SLIT2: variants seen among roughly 807,000 people sequenced by gnomAD.
SLIT2 encodes slit guidance ligand 2.
Under a neutral mutation model 185.7 loss-of-function variants are expected in SLIT2, and 41 were observed. The observed-to-expected ratio is 0.22, with a 90% CI of 0.17 to 0.29. SLIT2 has a LOEUF of 0.29. Ranked by LOEUF, SLIT2 falls within the 10% of genes least tolerant of loss-of-function variation. The probability of loss-of-function intolerance (pLI) is 1.00; values close to 1 mark genes in which losing one functional copy is unlikely to be tolerated. For missense variants in SLIT2, 1,571 were observed against 1,909.0 expected (o/e 0.82, Z 3.30); for synonymous variants, 693 against 680.2 (o/e 1.02, Z -0.29).
chr4:20,256,784 T>C, intron 2 of SLIT2, 41 bp downstream of exon 2: 1 of 1,025,760 alleles, frequency 9.7e-7, no homozygotes, highest in South Asian at 1.5e-5. Flanking sequence ...TTTTTAAGGT[T>C]GCATATTTTG....
intron 4 of SLIT2, among the ~76,000 whole-genome samples, chr4:20,319,810 AC>A (rs35834899): frequency 0.4 from 43,175 of 108,668 alleles, 6,414 homozygotes; most frequent in Non-Finnish European, 0.46. Flanking sequence ...AAAAAACAAA[AC>A]AAAAAAAAAA....
chr4:20,280,715 G>T lies in SLIT2; in HGVS notation c.395+11834G>T, dbSNP rs1481444179. ...GGAGTTATTCATGGTAATAAATCAG[G>T]AATTAGATAATTAGGTTGTGGATAA... On this transcript the variant is annotated intron_variant, in intron 4 of 36. Transcript: ENST00000504154. 2.6e-5 allele frequency among the ~76,000 whole-genome samples: 4 copies of T among 151,990 alleles called. No individual in the cohort carries two copies. In the East Asian group the frequency reaches 7.7e-4, roughly 29 times the overall value.
chr4:20,260,146 C>T (rs992041478), intron 3 of SLIT2, among the ~76,000 whole-genome samples: 1 of 151,714 alleles, frequency 6.6e-6, no homozygotes, highest in Non-Finnish European at 1.5e-5. Context: ...TACAAAAACC[C>T]CAAAACTACC....
intron 4 of SLIT2, among the ~76,000 whole-genome samples, chr4:20,271,380 A>G (rs921299418): frequency 2.0e-5 from 3 of 147,132 alleles, no homozygotes; most frequent in Admixed American, 6.9e-5. Flanking sequence ...TATAGAATAT[A>G]TGTTTTGACA....
chr4:20,596,719 T>G, intron 32 of SLIT2, 64 bp downstream of exon 32: 1 of 1,499,602 alleles, frequency 6.7e-7, no homozygotes, highest in Non-Finnish European at 9.0e-7. Flanking sequence ...AGAATAAACA[T>G]TTGTGGTAGC....
Position 20,559,509 on chromosome 4 carries a change from G to C in SLIT2, c.2725+5541G>C, listed in dbSNP as rs190895067. ...TGTCCTATTAATGAAGACTCTGCTA[G>C]TTCAAGGTTTATGACAGTTTAGACT... is the stretch of plus-strand genomic sequence containing the variant. On this transcript the variant is annotated intron_variant, in intron 26 of 36. Coordinates refer to ENST00000504154, the MANE Select transcript of SLIT2 (RefSeq NM_004787.4). Among the ~76,000 whole-genome samples the C allele has an allele frequency of 6.8e-4, 103 of 152,082 alleles. 3 individuals carry two copies. The highest frequency in any genetic ancestry group is 2.2e-3 in the African/African-American group (90 of 41,460).
intron 4 of SLIT2, among the ~76,000 whole-genome samples, chr4:20,377,570 A>G (rs1173874859): frequency 2.6e-5 from 4 of 152,282 alleles, no homozygotes; most frequent in South Asian, 4.1e-4. Context: ...TGTTGATTGC[A>G]TATGGCAGTC....
chr4:20,318,730 A>G (rs925177869), intron 4 of SLIT2, among the ~76,000 whole-genome samples: 1 of 152,128 alleles, frequency 6.6e-6, no homozygotes, highest in East Asian at 1.9e-4. Context: ...CATAAAGCCT[A>G]CAGAGCTTTG....
At chr4:20,355,167 A>G (rs1173176787) in intron 4 of SLIT2, among the ~76,000 whole-genome samples, 1 of 152,192 alleles carries the variant, frequency 6.6e-6, no homozygotes, top group Admixed American at 6.5e-5. Context: ...ACAGGTGTGT[A>G]ATTATCAACA....
In SLIT2 at chr4:20,541,562, T is replaced by C. The variant is rs112835768; in HGVS notation, c.2086T>C (p.Phe696Leu). The C allele has an allele frequency of 6.2e-7, 1 of 1,613,984 alleles. No individual in the cohort carries two copies. The highest frequency in any genetic ancestry group is 8.5e-7 in the Non-Finnish European group (1 of 1,179,850). ...AAATCCTAGATGTCAAAAACCATAC[T>C]TCCTGAAAGAAATACCCATCCAGGA... ...TGNPRCQKPY[F>L]LKEIPIQDVA... is the part of the protein sequence containing the mutation. The change falls in exon 20 of 37, where the codon TTC (phenylalanine) becomes CTC (leucine). Residue 696 changes from phenylalanine (F) to leucine (L), a missense_variant. Physicochemically the swap from Phe to Leu is conservative, Grantham distance 22 (BLOSUM62 0). Around this residue, in one of 3 missense-constraint regions of SLIT2, gnomAD observed 1,202 missense variants for 1,416.4 expected, o/e 0.85. Transcript: ENST00000504154.
At chr4:20,478,146 G>C (rs1716320003) in intron 5 of SLIT2, among the ~76,000 whole-genome samples, 1 of 152,180 alleles carries the variant, frequency 6.6e-6, no homozygotes, top group African/African-American at 2.4e-5. Context: ...AACACTTTAT[G>C]TAAACCTTCC....
intron 4 of SLIT2, among the ~76,000 whole-genome samples, chr4:20,367,281 CAAT>C (rs2109307961): frequency 6.6e-6 from 1 of 152,152 alleles, no homozygotes; most frequent in South Asian, 2.1e-4. Context: ...TTTTTAGTGA[CAAT>C]AATTGAGATG....
chr4:20,616,942 C>T lies in SLIT2; in HGVS notation c.3880C>T (p.Arg1294Cys), dbSNP rs1347609350. The T allele has an allele frequency of 1.4e-5, 23 of 1,608,788 alleles. No individual in the cohort carries two copies. The highest frequency in any genetic ancestry group is 1.7e-4 in the Middle Eastern group (1 of 6,028). Residue 1294 changes from arginine to cysteine, a missense_variant, in exon 35 of 37, where the codon CGC becomes TGC. Around this residue, in one of 3 missense-constraint regions of SLIT2, gnomAD observed 146 missense variants for 247.4 expected, o/e 0.59. Coordinates refer to ENST00000504154, the MANE Select transcript of SLIT2 (RefSeq NM_004787.4). ...AGGGAAGAGTAACGTGGCATCTCTG[C>T]GCCAGGCCCCTGGGCAGAACGGAAC... is the stretch of plus-strand genomic sequence containing the variant. ...MPGKSNVASL[R>C]QAPGQNGTSF...
chr4:20,391,691 A>G (rs1015967711), intron 4 of SLIT2, among the ~76,000 whole-genome samples: 6 of 152,132 alleles, frequency 3.9e-5, no homozygotes, highest in South Asian at 2.1e-4. Flanking sequence ...CGACCTGGTT[A>G]TCTTTCTGAG....
chr4:20,489,317 TG>T, intron 8 of SLIT2, among the ~76,000 whole-genome samples: 1 of 152,152 alleles, frequency 6.6e-6, no homozygotes, highest in East Asian at 1.9e-4. Context: ...TGTTAACAAT[TG>T]AAAAAAAATG....
intron 24 of SLIT2, among the ~76,000 whole-genome samples, chr4:20,550,399 T>G (rs1723632292): frequency 6.6e-6 from 1 of 151,916 alleles, no homozygotes; most frequent in Non-Finnish European, 1.5e-5. Context: ...GAATTAATCC[T>G]TATATCTTAT....
intron 3 of SLIT2, among the ~76,000 whole-genome samples, chr4:20,258,295 AAG>A (rs1489978986): frequency 6.6e-6 from 1 of 151,742 alleles, no homozygotes; most frequent in Non-Finnish European, 1.5e-5. Flanking sequence ...TGCATTAGGG[AAG>A]AGAGAAGTTT....
chr4:20,275,563 C>T (rs1032440297), intron 4 of SLIT2, among the ~76,000 whole-genome samples: 1 of 152,158 alleles, frequency 6.6e-6, no homozygotes, highest in African/African-American at 2.4e-5. Flanking sequence ...TTGCACAGCC[C>T]TCTTGCATTT....
In SLIT2 at chr4:20,523,926, A is replaced by C. The variant is rs1301651625; in HGVS notation, c.1274+23A>C. 8 of 1,613,372 alleles carry C rather than the reference A, an allele frequency of 5.0e-6. No individual in the cohort carries two copies. In the South Asian group the frequency reaches 6.6e-5, roughly 13 times the overall value. The stretch of plus-strand genomic sequence containing the variant: ...TATGTATGTATAAGTGATTTGGATC[A>C]CTTTTGATGACATTGTTTCCTCTCT... On this transcript the variant is annotated intron_variant, in intron 13 of 36. Coordinates refer to ENST00000504154, the MANE Select transcript of SLIT2 (RefSeq NM_004787.4).
Sources: allele counts gnomAD v4.1 joint callset (sites outside exome capture counted in the v4.1 genomes callset), GRCh38; gene constraint gnomAD v4.1.1; regional missense constraint gnomAD v4.1.1; transcripts MANE v1.5; gene names NCBI Gene and HGNC (gene_info 2026-07-23, HGNC 2026-07-21).